The following SIRT3 variants were observed in gnomAD, a reference collection of about 807,000 sequenced individuals.
The protein encoded by SIRT3 is NAD-dependent protein deacetylase sirtuin-3, mitochondrial.
In SIRT3, 26 loss-of-function variants were observed where a neutral mutation model predicts 33.5. The observed-to-expected ratio is 0.78, with a 90% CI of 0.57 to 1.08. The LOEUF is 1.08. Among genes scored for constraint, SIRT3 ranks in the 50% least tolerant of loss-of-function variants. The pLI, the probability that SIRT3 is intolerant of heterozygous loss-of-function variation, is 0.00. For missense variants in SIRT3, 585 were observed against 530.1 expected (o/e 1.10, Z -1.02); for synonymous variants, 237 against 222.1 (o/e 1.07, Z -0.60).
chr11:236,385 C>CGGCCCA (rs1859146886), upstream of SIRT3: 2 of 1,169,112 alleles, frequency 1.7e-6, no homozygotes, highest in South Asian at 4.1e-5. Flanking sequence ...GCCCCGGCCC[C>CGGCCCA]GCCTCCGCCT....
chr11:220,291 C>T (rs1856255714), intron 5 of SIRT3, among the ~76,000 whole-genome samples: 1 of 130,036 alleles, frequency 7.7e-6, no homozygotes, highest in South Asian at 2.5e-4. Flanking sequence ...GATCGCGCCA[C>T]TGAACCTCCA....
intron 1 of SIRT3, chr11:233,777 C>T (rs1413569373): frequency 2.1e-6 from 1 of 485,114 alleles, no homozygotes; most frequent in Non-Finnish European, 3.7e-6. Context: ...GAACTGTGCT[C>T]ATTTCATAAT....
rs1856646657 is a variant in SIRT3, at chr11:223,059, GCTCTGGGC to G, written c.969+1011_969+1018del. The stretch of plus-strand genomic sequence containing the variant: ...ACAATGAATGCCTGAACAAACACAT[GCTCTGGGC>G]CCCTGTGGCTGCCCTGGGCCCCTCT... On this transcript the variant is annotated intron_variant, in intron 5 of 6. Transcript: ENST00000382743. This position sits in a 1 kb window ranked among gnomAD's most constrained non-coding sequence, Gnocchi z 4.8. 3 of 152,808 alleles carry G rather than the reference GCTCTGGGC, an allele frequency of 2.0e-5. No individual in the cohort carries two copies. Among genetic ancestry groups the G allele is most frequent in the African/African-American group, 4.8e-5 (2 of 41,306 alleles). 9.5% of individuals were successfully genotyped at this position (152,808 alleles called of 1,614,324 possible).
rs1859023729 is a variant in SIRT3 at position 236,051 on chromosome 11, G to A, written c.278C>T (p.Ser93Leu). Residue 93 changes from serine to leucine, a missense_variant, in exon 1 of 7, where the codon TCG becomes TTG. Physicochemically the swap from Ser to Leu is moderately radical, Grantham distance 145. Coordinates refer to ENST00000382743, the MANE Select transcript of SIRT3 (RefSeq NM_012239.6). Reference protein sequence around the residue: ...PRAAAPSFFFSSIKGGRRSIS... With the variant: ...PRAAAPSFFFLSIKGGRRSIS... ...TGCTTGTCCTTGCCCAAAATACCTCGAAAAGAAGAAACTGGGAGCTGCTGC... is the reference window on the plus strand; with the variant it reads ...TGCTTGTCCTTGCCCAAAATACCTCAAAAAGAAGAAACTGGGAGCTGCTGC... 2 of 1,513,186 alleles carry A rather than the reference G, an allele frequency of 1.3e-6. No homozygotes were observed. The highest frequency in any genetic ancestry group is 2.3e-5 in the Admixed American group (1 of 44,428). 93.7% of individuals were successfully genotyped at this position (1,513,186 alleles called of 1,614,324 possible).
Position 216,290 on chromosome 11 carries a change from G to A in SIRT3, c.*408C>T, listed in dbSNP as rs10714. 13,079 of 188,244 alleles carry A rather than the reference G, an allele frequency of 0.069. 1,190 individuals carry two copies. Among genetic ancestry groups the A allele is most frequent in the East Asian group, 0.42 (2,923 of 6,900 alleles). 11.7% of individuals were successfully genotyped at this position (188,244 alleles called of 1,614,324 possible). A position where few individuals can be genotyped will look rare whatever the true frequency, so the allele number is the denominator to read the frequency against. On this transcript the variant is annotated 3_prime_UTR_variant, in exon 7 of 7. Transcript: ENST00000382743. The stretch of plus-strand genomic sequence containing the variant: ...ACATGAAGAGGGCTGGGGACCGCTC[G>A]GCCCAAGTCTGGATCTTGTAACCAA...
intron 4 of SIRT3, among the ~76,000 whole-genome samples, chr11:226,914 C>G (rs1478883127): frequency 6.6e-6 from 1 of 150,420 alleles, no homozygotes; most frequent in Non-Finnish European, 1.5e-5. Flanking sequence ...CCATCACGCC[C>G]GGCTAATTTT....
chr11:226,643 G>A (rs1487983171), intron 4 of SIRT3, among the ~76,000 whole-genome samples: 1 of 151,710 alleles, frequency 6.6e-6, no homozygotes, highest in East Asian at 1.9e-4. Flanking sequence ...TCCTAACTCA[G>A]GTGATCCACC....
chr11:216,598 G>T lies in SIRT3; in HGVS notation c.*100C>A. The T allele has an allele frequency of 7.1e-7, 1 of 1,405,864 alleles. No individual in the cohort carries two copies. Among genetic ancestry groups the T allele is most frequent in the Non-Finnish European group, 1.0e-6 (1 of 994,964 alleles). The allele number at this position is 1,405,864 out of a possible 1,614,324, so 87.1% of individuals were successfully genotyped here. A position where few individuals can be genotyped will look rare whatever the true frequency, so the allele number is the denominator to read the frequency against. ...GTGTCCACTCAGTTCACATATTCTG[G>T]TTTCACCTGCCCAAGCTGTCTTCAG... is the stretch of plus-strand genomic sequence containing the variant. On this transcript the variant is annotated 3_prime_UTR_variant, in exon 7 of 7. Transcript: ENST00000382743.
At chr11:233,632 T>A in intron 1 of SIRT3, 98 bp from the exon 2 acceptor site, 1 of 1,144,182 alleles carries the variant, frequency 8.7e-7, no homozygotes, top group Non-Finnish European at 1.3e-6. Flanking sequence ...ACCGCCACCC[T>A]CGAGAATGAG....
intron 3 of SIRT3, among the ~76,000 whole-genome samples, chr11:231,049 C>T (rs919279452): frequency 1.3e-5 from 2 of 150,268 alleles, no homozygotes; most frequent in African/African-American, 2.5e-5. Flanking sequence ...CGCTTGAACC[C>T]GGGAGGTGGA....
intron 4 of SIRT3, among the ~76,000 whole-genome samples, chr11:225,483 A>C (rs1193901336): frequency 6.6e-6 from 1 of 152,218 alleles, no homozygotes; most frequent in Non-Finnish European, 1.5e-5. Flanking sequence ...AAAATTATGT[A>C]ATAATGTAGC....
At chr11:236,440 C>CCCCGCCCCCGGCGCCCCGGT, upstream of SIRT3, 1 of 692,410 alleles carries the variant, frequency 1.4e-6, no homozygotes, top group Non-Finnish European at 1.8e-6. Flanking sequence ...CGCCTACCGC[C>CCCCGCCCCCGGCGCCCCGGT]CCCGCCCCCG....
chr11:226,739 C>T (rs1308284722), intron 4 of SIRT3, among the ~76,000 whole-genome samples: 7 of 138,638 alleles, frequency 5.0e-5, no homozygotes, highest in South Asian at 2.3e-4. Context: ...TTAAGGAAGG[C>T]CTACAATTAT....
At chr11:226,749 T>C (rs1385348272) in intron 4 of SIRT3, among the ~76,000 whole-genome samples, 2 of 92,520 alleles carry the variant, frequency 2.2e-5, no homozygotes, top group South Asian at 3.6e-4. Flanking sequence ...CCTACAATTA[T>C]TATTATTATT....
intron 4 of SIRT3, among the ~76,000 whole-genome samples, chr11:229,473 G>A (rs1182742670): frequency 6.6e-6 from 1 of 151,298 alleles, no homozygotes; most frequent in Non-Finnish European, 1.5e-5. Flanking sequence ...AGTTAAACAT[G>A]GGCAGGGCAT....
chr11:233,345 G>A lies in SIRT3; in HGVS notation c.471C>T (p.Phe157=), dbSNP rs750804409. ...GCAGGTGGGACTGTGGGCAGTACCT[G>A]AAGTCTGGAATGCCACTGGGTGTGC... ...GISTPSGIPD[F]RSPGSGLYSN... Residue 157 remains phenylalanine, a splice_region_variant and synonymous_variant, in exon 2 of 7, where the codon TTC becomes TTT. Coordinates refer to ENST00000382743, the MANE Select transcript of SIRT3 (RefSeq NM_012239.6). 10 of 1,613,512 alleles carry A rather than the reference G, an allele frequency of 6.2e-6. No individual in the cohort carries two copies. Among genetic ancestry groups the A allele is most frequent in the Non-Finnish European group, 7.6e-6 (9 of 1,179,678 alleles).
chr11:220,842 GTT>G (rs1856349757), intron 5 of SIRT3, among the ~76,000 whole-genome samples: 1 of 148,230 alleles, frequency 6.7e-6, no homozygotes, highest in African/African-American at 2.5e-5. Context: ...CGGAAGGCAA[GTT>G]CTCAGTATTT....
chr11:236,224 G>C lies in SIRT3; in HGVS notation c.105C>G (p.Gly35=), dbSNP rs745937498. ...CCCTGCCGCCAAGCACCAGCCGACA[G>C]CCGCAGGCCTGAAACGGCCCCACGC... is the stretch of plus-strand genomic sequence containing the variant. ...GGGVGPFQAC[G]CRLVLGGRDD... Residue 35 remains glycine, a synonymous_variant, in exon 1 of 7, where the codon GGC becomes GGG. Coordinates refer to ENST00000382743, the MANE Select transcript of SIRT3 (RefSeq NM_012239.6). 1.3e-6 allele frequency: 2 copies of C among 1,558,798 alleles called. No individual in the cohort carries two copies. The highest frequency in any genetic ancestry group is 1.2e-5 in the South Asian group (1 of 85,330).
At chr11:227,715 C>G (rs1857369986) in intron 4 of SIRT3, among the ~76,000 whole-genome samples, 1 of 152,024 alleles carries the variant, frequency 6.6e-6, no homozygotes, top group Non-Finnish European at 1.5e-5. Flanking sequence ...AACCTCCCCT[C>G]CCAGGTTCAA....
Sources: allele counts gnomAD v4.1 joint callset (sites outside exome capture counted in the v4.1 genomes callset), GRCh38; gene constraint gnomAD v4.1.1; non-coding constraint Gnocchi (gnomAD v3.1); transcripts MANE v1.5; gene names NCBI Gene and HGNC (gene_info 2026-07-23, HGNC 2026-07-21).